Variants in MYLK observed in about 807,000 individuals in gnomAD.
MYLK encodes the protein myosin light chain kinase, smooth muscle.
MYLK carries 106 observed loss-of-function variants against 203.4 expected under a neutral mutation model. That is an observed-to-expected ratio of 0.52 (90% CI 0.45 to 0.61). MYLK has a LOEUF of 0.61. Ranked by LOEUF, MYLK falls within the 20% of genes least tolerant of loss-of-function variation. The pLI is 0.00. For synonymous variants in MYLK, 867 were observed against 959.5 expected (o/e 0.90, Z 1.78); for missense variants, 2,072 against 2,442.3 (o/e 0.85, Z 3.20).
At chr3:123,883,998 TC>T (rs1231362853) in intron 1 of MYLK, among the ~76,000 whole-genome samples, 1 of 151,906 alleles carries the variant, frequency 6.6e-6, no homozygotes, top group Non-Finnish European at 1.5e-5. Flanking sequence ...GCACTTCATC[TC>T]CCCAAAAGAA....
At chr3:123,682,142 G>C in intron 20 of MYLK, 82 bp downstream of exon 20, 1 of 1,061,692 alleles carries the variant, frequency 9.4e-7, no homozygotes, top group South Asian at 1.3e-5. Flanking sequence ...ACCAGAAAGT[G>C]GGGGCTCTGA....
chr3:123,645,618 T>C (rs146963633), intron 27 of MYLK, among the ~76,000 whole-genome samples: 231 of 152,352 alleles, frequency 1.5e-3, no homozygotes, highest in African/African-American at 5.1e-3. Context: ...CTCCTTCACT[T>C]CTGGGAGTTT....
chr3:123,841,403 T>C (rs2066589150), intron 2 of MYLK, among the ~76,000 whole-genome samples: 1 of 152,286 alleles, frequency 6.6e-6, no homozygotes, highest in Middle Eastern at 3.4e-3. Context: ...TAGTTTACAC[T>C]AATAATTTAG....
chr3:123,743,304 T>C (rs936347048), intron 5 of MYLK, among the ~76,000 whole-genome samples: 1 of 152,144 alleles, frequency 6.6e-6, no homozygotes, highest in East Asian at 1.9e-4. Context: ...GATACTTCTA[T>C]GTCAGGGTAA....
chr3:123,662,593 T>C (rs2059598819), intron 23 of MYLK, among the ~76,000 whole-genome samples: 1 of 152,206 alleles, frequency 6.6e-6, no homozygotes, highest in South Asian at 2.1e-4. Flanking sequence ...AGAGTCAATG[T>C]CTACAACTTC....
chr3:123,685,207 C>G (rs1258508328), intron 19 of MYLK, among the ~76,000 whole-genome samples: 16 of 152,218 alleles, frequency 1.1e-4, no homozygotes. Flanking sequence ...GTTTCCACAT[C>G]TGTACAAGGG....
At position 123,629,520 on chromosome 3, in the gene MYLK, C is replaced by T. The variant is rs554444072; in HGVS notation, c.5068G>A (p.Asp1690Asn). The T allele has an allele frequency of 8.7e-6, 14 of 1,614,180 alleles. No homozygotes were observed. In the South Asian group the frequency reaches 1.1e-4, roughly 13 times the overall value. The change falls in exon 30 of 34, where the codon GAC becomes AAC. Residue 1690 changes from aspartate to asparagine, a missense_variant. Around this residue, in one of 3 missense-constraint regions of MYLK, gnomAD observed 524 missense variants for 782.4 expected, o/e 0.67. Transcript: ENST00000360304. The surrounding 1 kb of genome is among the most constrained non-coding windows in gnomAD (Gnocchi z 4.4). ...FDDEAFDEIS[D>N]DAKDFISNLL... ...TTGCTGATGAAATCCTTGGCATCGT[C>T]GGAGATCTCATCGAATGCCTCGTCG...
intron 24 of MYLK, among the ~76,000 whole-genome samples, chr3:123,656,445 C>A (rs556528567): frequency 1.7e-4 from 26 of 152,326 alleles, no homozygotes; most frequent in African/African-American, 6.3e-4. Context: ...TATGCCTTGG[C>A]CACACACGAG....
At chr3:123,773,548 C>A (rs1285128717) in intron 4 of MYLK, among the ~76,000 whole-genome samples, 1 of 152,126 alleles carries the variant, frequency 6.6e-6, no homozygotes, top group Admixed American at 6.5e-5. Flanking sequence ...GAGTGGCATG[C>A]CATATTTGTC....
intron 31 of MYLK, chr3:123,621,062 A>T (rs2057829770): frequency 6.6e-6 from 1 of 152,244 alleles, no homozygotes; most frequent in African/African-American, 2.4e-5. Flanking sequence ...TTGAAGAAAT[A>T]AAAGGCAACG....
intron 3 of MYLK, among the ~76,000 whole-genome samples, chr3:123,823,456 T>C (rs1362271125): frequency 6.6e-6 from 1 of 152,158 alleles, no homozygotes; most frequent in East Asian, 1.9e-4. Context: ...TCCACCCAAG[T>C]GCTCAGGCCC....
At chr3:123,655,874 G>C (rs75028399) in intron 24 of MYLK, among the ~76,000 whole-genome samples, 1,866 of 152,310 alleles carry the variant, frequency 0.012, 44 homozygotes, top group African/African-American at 0.043. Flanking sequence ...TAGAGTAAGT[G>C]CTCAATACAT....
intron 4 of MYLK, among the ~76,000 whole-genome samples, chr3:123,776,099 C>G (rs2064067159): frequency 6.6e-6 from 1 of 152,194 alleles, no homozygotes; most frequent in Non-Finnish European, 1.5e-5. Context: ...CCGCTTGGTA[C>G]CTGCAGGCCC....
chr3:123,726,174 T>G, intron 11 of MYLK, 96 bp from the exon 12 acceptor site: 1 of 1,534,628 alleles, frequency 6.5e-7, no homozygotes, highest in South Asian at 1.2e-5. Flanking sequence ...CTCACTGTCC[T>G]GGACACCTGG....
chr3:123,677,884 A>AAAATATATATATATATATATATAT (rs2060121187), intron 20 of MYLK, among the ~76,000 whole-genome samples: 1 of 53,566 alleles, frequency 1.9e-5, no homozygotes. Context: ...TAAATAAATG[A>AAAATATATATATATATATATATAT]ATATATATAT....
rs1195234855 is a variant in MYLK, at chr3:123,648,959, C to T, written c.4415+12G>A. On this transcript the variant is annotated intron_variant, in intron 26 of 33. Transcript: ENST00000360304. This position sits in a 1 kb window ranked among gnomAD's most constrained non-coding sequence, Gnocchi z 4.5. The stretch of plus-strand genomic sequence containing the variant: ...CCCTGGGAGCCCAGAGGCAACTTCC[C>T]ACTCCACTTACGATCCTAATCTCTC... 6.2e-7 allele frequency: 1 copy of T among 1,613,274 alleles called. No individual in the cohort carries two copies. Among genetic ancestry groups the T allele is most frequent in the African/African-American group, 1.3e-5 (1 of 74,884 alleles).
chr3:123,709,914 C>G (rs373544218), intron 13 of MYLK, 21 bp from the exon 14 acceptor site: 1 of 1,613,416 alleles, frequency 6.2e-7, no homozygotes, highest in Non-Finnish European at 8.5e-7. Flanking sequence ...GAAAACAGAA[C>G]GTGGGGTGAA....
chr3:123,648,964 C>T lies in MYLK; in HGVS notation c.4415+7G>A, dbSNP rs768056342. The stretch of plus-strand genomic sequence containing the variant: ...GGAGCCCAGAGGCAACTTCCCACTC[C>T]ACTTACGATCCTAATCTCTCCTCAA... On this transcript the variant is annotated splice_region_variant and intron_variant, in intron 26 of 33. Coordinates refer to ENST00000360304, the MANE Select transcript of MYLK (RefSeq NM_053025.4). This position sits in a 1 kb window ranked among gnomAD's most constrained non-coding sequence, Gnocchi z 4.5. 6.2e-7 allele frequency: 1 copy of T among 1,613,766 alleles called. No individual in the cohort carries two copies. Among genetic ancestry groups the T allele is most frequent in the South Asian group, 1.1e-5 (1 of 91,050 alleles).
intron 2 of MYLK, among the ~76,000 whole-genome samples, chr3:123,845,767 T>A (rs980506550): frequency 6.6e-6 from 1 of 152,050 alleles, no homozygotes; most frequent in African/African-American, 2.4e-5. Context: ...AATCCACCCA[T>A]CTCAGCCTCC....
Sources: gnomAD v4.1 joint callset for allele counts (sites outside exome capture counted in the v4.1 genomes callset) on GRCh38, gnomAD v4.1.1 for gene constraint, gnomAD v4.1.1 regional missense constraint, Gnocchi (gnomAD v3.1) non-coding constraint, MANE v1.5 for transcripts, NCBI Gene and HGNC (gene_info 2026-07-23, HGNC 2026-07-21) for gene names.